IFT46: variants seen among roughly 807,000 people sequenced by gnomAD.
IFT46 encodes intraflagellar transport protein 46 homolog.
In IFT46, 19 loss-of-function variants were observed where a neutral mutation model predicts 39.6. The ratio of observed to expected loss-of-function variants is 0.48; its 90% confidence interval spans 0.33 to 0.70. The LOEUF (loss-of-function observed/expected upper bound fraction) is 0.70. Among genes scored for constraint, IFT46 ranks in the 30% least tolerant of loss-of-function variants. The probability of loss-of-function intolerance (pLI) is 0.01; values close to 1 mark genes in which losing one functional copy is unlikely to be tolerated. For synonymous variants in IFT46, 117 were observed against 134.8 expected (o/e 0.87, Z 0.91); for missense variants, 334 against 364.8 (o/e 0.92, Z 0.69).
At chr11:118,576,426 TAAAA>T (rs10671866), upstream of IFT46, among the ~76,000 whole-genome samples, 331 of 108,772 alleles carry the variant, frequency 3.0e-3, 2 homozygotes, top group African/African-American at 0.011. Context: ...CCAAAAATGT[TAAAA>T]AAAAAAAAAA....
intron 8 of IFT46, 105 bp downstream of exon 8, chr11:118,552,109 T>A (rs1003221437): frequency 1.8e-5 from 25 of 1,384,278 alleles, no homozygotes; most frequent in Middle Eastern, 2.1e-4. Flanking sequence ...GACCTCAGGT[T>A]GATCAAATAT....
chr11:118,572,667 TTTTGCTCCGGGCTCGGG>T (rs1426005096), exon 1 of IFT46: 2 of 1,362,216 alleles, frequency 1.5e-6, no homozygotes, highest in African/African-American at 2.9e-5. Context: ...GGCAGAGTGC[TTTTGCTCCGGGCTCGGG>T]GAGCAGTGTG....
intron 4 of IFT46, among the ~76,000 whole-genome samples, chr11:118,556,580 C>T (rs1260519990): frequency 6.6e-6 from 1 of 152,128 alleles, no homozygotes; most frequent in African/African-American, 2.4e-5. Context: ...ATCCTCCTAC[C>T]TCAGCCTCCC....
intron 2 of IFT46, chr11:118,560,583 T>G (rs944689860): frequency 3.0e-6 from 1 of 331,746 alleles, no homozygotes; most frequent in Non-Finnish European, 5.7e-6. Context: ...ATACTAAGAG[T>G]GGGTTTGAAG....
intron 1 of IFT46, among the ~76,000 whole-genome samples, chr11:118,571,958 C>T (rs1938345653): frequency 2.0e-5 from 3 of 151,916 alleles, no homozygotes; most frequent in Admixed American, 2.0e-4. Context: ...CGTGGTGTGG[C>T]GCGTGCCTGT....
upstream of IFT46, among the ~76,000 whole-genome samples, chr11:118,569,240 T>C (rs1277940290): frequency 2.0e-5 from 3 of 151,428 alleles, no homozygotes; most frequent in African/African-American, 2.4e-5. Flanking sequence ...GATCATACCA[T>C]TGCACTCCAG....
chr11:118,576,437 A>AAC (rs1388714940), upstream of IFT46, among the ~76,000 whole-genome samples: 3 of 146,628 alleles, frequency 2.0e-5, no homozygotes, highest in African/African-American at 7.4e-5. Context: ...AAAAAAAAAA[A>AAC]AAAAAAAAAA....
chr11:118,575,171 G>A (rs1366818994), upstream of IFT46, among the ~76,000 whole-genome samples: 7 of 152,062 alleles, frequency 4.6e-5, no homozygotes, highest in East Asian at 1.2e-3. Context: ...GTAGATACGG[G>A]GTTTCACCAT....
In IFT46 at chr11:118,564,956, C is replaced by T. The variant is rs1938177068; in HGVS notation, c.-36+9G>A. ...CTTTCAGTAGCATTTCTCTTCTTTC[C>T]TCTCTTACCTTGGTGTCTTGGGGTT... is the stretch of plus-strand genomic sequence containing the variant. On this transcript the variant is annotated intron_variant, in intron 2 of 11. Coordinates refer to ENST00000264021, the MANE Select transcript of IFT46 (RefSeq NM_001168618.2). The T allele has an allele frequency of 6.6e-6, 1 of 152,626 alleles. No individual in the cohort carries two copies. Among genetic ancestry groups the T allele is most frequent in the Non-Finnish European group, 1.5e-5 (1 of 68,050 alleles). The allele number at this position is 152,626 out of a possible 1,614,324, so 9.5% of individuals were successfully genotyped here. A position where few individuals can be genotyped will look rare whatever the true frequency, so the allele number is the denominator to read the frequency against.
At chr11:118,561,027 G>A (rs1938038778) in intron 2 of IFT46, 9 of 1,507,988 alleles carry the variant, frequency 6.0e-6, no homozygotes, top group Middle Eastern at 2.3e-4. Context: ...AATAGGTTTG[G>A]CATGGACAAG....
rs112051935 is a variant in IFT46 at position 118,544,645 on chromosome 11, C to T, written c.*271G>A. 6.7e-3 allele frequency: 2,685 copies of T among 398,268 alleles called. 67 individuals are homozygous for T. The highest frequency in any genetic ancestry group is 0.051 in the African/African-American group (2,503 of 49,112). 24.7% of individuals were successfully genotyped at this position (398,268 alleles called of 1,614,324 possible). The stretch of plus-strand genomic sequence containing the variant: ...TTTTAAGCTTTCCTCCCAATCTAAC[C>T]TCCATGGGATCTCAGAAATTCCAAT... On this transcript the variant is annotated 3_prime_UTR_variant, in exon 12 of 12. Transcript: ENST00000264021.
At chr11:118,568,817 A>G (rs1938281043), upstream of IFT46, among the ~76,000 whole-genome samples, 2 of 151,320 alleles carry the variant, frequency 1.3e-5, no homozygotes, top group Admixed American at 6.6e-5. Context: ...CACCACGCCC[A>G]GCTAATTTTT....
At chr11:118,566,457 C>T (rs1938227809), upstream of IFT46, among the ~76,000 whole-genome samples, 1 of 151,788 alleles carries the variant, frequency 6.6e-6, no homozygotes, top group Admixed American at 6.6e-5. Flanking sequence ...CTTTGGGAGG[C>T]CAAGGCGGGC....
intron 7 of IFT46, among the ~76,000 whole-genome samples, chr11:118,552,580 G>A (rs1591363630): frequency 1.3e-5 from 2 of 152,226 alleles, no homozygotes; most frequent in African/African-American, 4.8e-5. Context: ...ATCAGTTGAG[G>A]CTAGGAGTTC....
At chr11:118,554,681 A>AAAGCATGAT in intron 6 of IFT46, 94 bp from the exon 7 acceptor site, 5 of 1,341,278 alleles carry the variant, frequency 3.7e-6, no homozygotes, top group Non-Finnish European at 5.1e-6. Context: ...ACTAGTATTA[A>AAAGCATGAT]AAGCATGCTT....
chr11:118,545,871 G>A lies in IFT46; in HGVS notation c.673-18C>T, dbSNP rs781903598. On this transcript the variant is annotated intron_variant, in intron 9 of 11. Coordinates refer to ENST00000264021, the MANE Select transcript of IFT46 (RefSeq NM_001168618.2). ...AGGCTTACCTGGAAGGGGCATGGAA[G>A]GACCAAAGTCAAAAGGATGGTGTCA... The A allele has an allele frequency of 6.2e-7, 1 of 1,613,086 alleles. No homozygotes were observed. Among genetic ancestry groups the A allele is most frequent in the Non-Finnish European group, 8.5e-7 (1 of 1,179,110 alleles).
At chr11:118,561,201 C>T (rs1555070523) in intron 2 of IFT46, 1 of 1,383,790 alleles carries the variant, frequency 7.2e-7, no homozygotes, top group Non-Finnish European at 1.0e-6. Flanking sequence ...GGAGGCTTGT[C>T]TGTCCCTCAC....
intron 1 of IFT46, chr11:118,572,583 G>T: frequency 6.2e-7 from 1 of 1,600,226 alleles, no homozygotes; most frequent in South Asian, 1.1e-5. Context: ...AACTCCTGGG[G>T]TCCGAGCCTC....
chr11:118,556,884 G>T (rs1591367083), intron 4 of IFT46, 22 bp downstream of exon 4: 13 of 1,556,480 alleles, frequency 8.4e-6, no homozygotes, highest in Non-Finnish European at 1.1e-5. Context: ...GAGCACCCTT[G>T]GCTTGGGTGT....
Sources: gnomAD v4.1 joint callset for allele counts (sites outside exome capture counted in the v4.1 genomes callset) on GRCh38, gnomAD v4.1.1 for gene constraint, MANE v1.5 for transcripts, NCBI Gene and HGNC (gene_info 2026-07-23, HGNC 2026-07-21) for gene names.